The following TNPO3 variants were observed in gnomAD, a reference collection of about 807,000 sequenced individuals.
The protein encoded by TNPO3 is transportin-3.
Under a neutral mutation model 122.8 loss-of-function variants are expected in TNPO3, and 65 were observed. The ratio of observed to expected loss-of-function variants is 0.53; its 90% CI spans 0.43 to 0.65. TNPO3 has a LOEUF of 0.65. Ranked by LOEUF, TNPO3 falls within the 30% of genes least tolerant of loss-of-function variation. The probability of loss-of-function intolerance (pLI) is 0.00; values close to 1 mark genes in which losing one functional copy is unlikely to be tolerated. For missense variants in TNPO3, 850 were observed against 1,136.7 expected (o/e 0.75, Z 3.63); for synonymous variants, 372 against 411.2 (o/e 0.90, Z 1.15).
chr7:128,959,784 G>A (rs1797258677), intron 21 of TNPO3, among the ~76,000 whole-genome samples: 1 of 152,158 alleles, frequency 6.6e-6, no homozygotes, highest in African/African-American at 2.4e-5. Flanking sequence ...CACTTTGGGA[G>A]GCCAAGGCGG....
At position 129,027,059 on chromosome 7, in the gene TNPO3, C is replaced by T. The variant is rs1016347157; in HGVS notation, c.121-8902G>A. 4.6e-5 allele frequency among the ~76,000 whole-genome samples: 7 copies of T among 152,206 alleles called. No individual in the cohort carries two copies. In the East Asian group the frequency reaches 7.7e-4, roughly 17 times the overall value. On this transcript the variant is annotated intron_variant, in intron 1 of 22. Coordinates refer to ENST00000265388, the MANE Select transcript of TNPO3 (RefSeq NM_012470.4). ...TCCCAAAGTGCTAGGATTACAGGCA[C>T]GAACAATCACACCTGGCCTGTAAGA...
intron 14 of TNPO3, 115 bp from the exon 15 acceptor site, chr7:128,980,146 A>C (rs948839756): frequency 2.3e-6 from 2 of 887,134 alleles, no homozygotes; most frequent in Non-Finnish European, 3.7e-6. Context: ...AGAAAACCAG[A>C]TGATAAAGTC....
At chr7:129,056,017 C>T (rs1266936176), upstream of TNPO3, 3 of 1,054,098 alleles carry the variant, frequency 2.8e-6, no homozygotes, top group Non-Finnish European at 4.4e-6. Flanking sequence ...AGCTCCAGCG[C>T]CATGGCGCCC....
chr7:129,000,938 A>T, intron 6 of TNPO3, 121 bp downstream of exon 6: 1 of 1,172,948 alleles, frequency 8.5e-7, no homozygotes, highest in Non-Finnish European at 1.2e-6. Context: ...TTTAGGAAGC[A>T]CTATCTGTAC....
At chr7:129,005,830 G>A (rs927767473) in intron 4 of TNPO3, among the ~76,000 whole-genome samples, 1 of 141,490 alleles carries the variant, frequency 7.1e-6, no homozygotes, top group Non-Finnish European at 1.5e-5. Flanking sequence ...TGCCCAGGCT[G>A]GAGTGCAGTG....
In TNPO3 at chr7:129,001,185, A is replaced by G; in HGVS notation, c.746T>C (p.Val249Ala). 6.2e-7 allele frequency: 1 copy of G among 1,614,136 alleles called. No homozygotes were observed. Among genetic ancestry groups the G allele is most frequent in the Non-Finnish European group, 8.5e-7 (1 of 1,179,988 alleles). Residue 249 changes from valine to alanine, a missense_variant, in exon 6 of 23, where the codon GTA becomes GCA. By Grantham distance (64) the Val-to-Ala change is moderately conservative. Coordinates refer to ENST00000265388, the MANE Select transcript of TNPO3 (RefSeq NM_012470.4). ...SNLHEAASDC[V>A]CSALYAIENV... The stretch of plus-strand genomic sequence containing the variant: ...CTCAATGGCATAGAGAGCTGAGCAT[A>G]CACAGTCCGAAGCAGCTTCATGTAG...
intron 1 of TNPO3, among the ~76,000 whole-genome samples, chr7:129,024,642 G>C (rs942918605): frequency 6.6e-5 from 10 of 152,130 alleles, no homozygotes; most frequent in Non-Finnish European, 7.4e-5. Context: ...AAACAAGGGA[G>C]AGTAGAACTG....
In TNPO3 at chr7:128,960,572, TA is replaced by T. The variant is rs35592478; in HGVS notation, c.2712-3258del. 1.7e-3 allele frequency among the ~76,000 whole-genome samples: 238 copies of T among 141,410 alleles called. 1 individual carries two copies. Among genetic ancestry groups the T allele is most frequent in the African/African-American group, 4.7e-3 (177 of 37,682 alleles). 92.8% of individuals were successfully genotyped at this position (141,410 alleles called of 152,430 possible). A position where few individuals can be genotyped will look rare whatever the true frequency, so the allele number is the denominator to read the frequency against. ...GCTTTTAACAAAAAAGTTTAAAAGC[TA>T]AAAAAAAAAAATAAAGTAATTTTAA... On this transcript the variant is annotated intron_variant, in intron 21 of 22. Transcript: ENST00000265388.
In TNPO3 at chr7:129,054,773, T is replaced by C. The variant is rs1235547816; in HGVS notation, c.-3A>G. On this transcript the variant is annotated 5_prime_UTR_variant, in exon 1 of 23. Coordinates refer to ENST00000265388, the MANE Select transcript of TNPO3 (RefSeq NM_012470.4). ...AATGTCGGCTTTGCTCCTTCCATGG[T>C]GGTGGCGGTAGTGGCGGTAGCGACG... 3.1e-6 allele frequency: 5 copies of C among 1,613,912 alleles called. No individual in the cohort carries two copies. The highest frequency in any genetic ancestry group is 4.2e-6 in the Non-Finnish European group (5 of 1,179,990).
chr7:129,010,941 T>C (rs1252894059), intron 4 of TNPO3, among the ~76,000 whole-genome samples: 4 of 151,644 alleles, frequency 2.6e-5, no homozygotes, highest in African/African-American at 7.3e-5. Context: ...AAAAAAAAAA[T>C]TGTATAGAAT....
chr7:129,047,595 TCA>T (rs1808206833), intron 1 of TNPO3, among the ~76,000 whole-genome samples: 1 of 152,148 alleles, frequency 6.6e-6, no homozygotes, highest in Admixed American at 6.6e-5. Context: ...AGATGCTAAC[TCA>T]CAGTACAGGC....
At chr7:128,977,625 T>A (rs1345606715) in intron 16 of TNPO3, among the ~76,000 whole-genome samples, 26 of 148,832 alleles carry the variant, frequency 1.7e-4, no homozygotes, top group African/African-American at 6.2e-4. Flanking sequence ...GAGATGGAGT[T>A]TCACTCTGTC....
chr7:128,958,474 G>A (rs1797128562), intron 21 of TNPO3, among the ~76,000 whole-genome samples: 1 of 152,068 alleles, frequency 6.6e-6, no homozygotes, highest in African/African-American at 2.4e-5. Context: ...TTGCCTTCCT[G>A]TAGCCCTCTC....
intron 5 of TNPO3, among the ~76,000 whole-genome samples, chr7:129,003,296 GGTTTT>G (rs1392943111): frequency 7.4e-5 from 8 of 107,726 alleles, no homozygotes; most frequent in Non-Finnish European, 9.2e-5. Flanking sequence ...TAATTTTTAG[GGTTTT>G]TTTTTTTTTT....
At chr7:128,988,323 G>T (rs759834323) in intron 11 of TNPO3, among the ~76,000 whole-genome samples, 19 of 152,064 alleles carry the variant, frequency 1.2e-4, no homozygotes, top group Non-Finnish European at 1.9e-4. Context: ...TCCATTTCTA[G>T]TCTAATGATC....
At chr7:129,041,503 A>C in intron 1 of TNPO3, 4 of 966,616 alleles carry the variant, frequency 4.1e-6, no homozygotes, top group Non-Finnish European at 4.9e-6. Flanking sequence ...AAGGGAAGGA[A>C]GAGAATCAAG....
rs7788977 is a variant in TNPO3 at position 128,984,373 on chromosome 7, A to T, written c.1691-114T>A. 0.035 allele frequency: 20,397 copies of T among 588,838 alleles called. 941 individuals are homozygous for T. The highest frequency in any genetic ancestry group is 0.17 in the African/African-American group (9,079 of 53,258). 36.5% of individuals were successfully genotyped at this position (588,838 alleles called of 1,614,324 possible). A position where few individuals can be genotyped will look rare whatever the true frequency, so the allele number is the denominator to read the frequency against. ...CGAACTGGTTTGGTTCCATTCTTTT[A>T]AAAAGATCAGCATTGTTTTTTAAAA... is the stretch of plus-strand genomic sequence containing the variant. On this transcript the variant is annotated intron_variant, in intron 12 of 22. Coordinates refer to ENST00000265388, the MANE Select transcript of TNPO3 (RefSeq NM_012470.4).
chr7:128,972,543 T>C lies in TNPO3; in HGVS notation c.2313A>G (p.Gln771=). 2 of 1,614,130 alleles carry C rather than the reference T, an allele frequency of 1.2e-6. No individual in the cohort carries two copies. Among genetic ancestry groups the C allele is most frequent in the Admixed American group, 1.7e-5 (1 of 60,022 alleles). Residue 771 remains glutamine, a synonymous_variant, in exon 19 of 23, where the codon CAA becomes CAG. Coordinates refer to ENST00000265388, the MANE Select transcript of TNPO3 (RefSeq NM_012470.4). The part of the protein sequence containing the change: ...QRSPVTLLRS[Q]VVIPILQWAI... ...CCCACTGTAAGATAGGGATGACCAC[T>C]TGGCTCCGCAGCAAGGTGACAGGGC...
chr7:129,041,129 C>T (rs1282527653), intron 1 of TNPO3, among the ~76,000 whole-genome samples: 1 of 152,000 alleles, frequency 6.6e-6, no homozygotes, highest in African/African-American at 2.4e-5. Context: ...CTTTCAGAGG[C>T]CTAGGCAGGA....
Sources: allele counts gnomAD v4.1 joint callset (sites outside exome capture counted in the v4.1 genomes callset), GRCh38; gene constraint gnomAD v4.1.1; transcripts MANE v1.5; gene names NCBI Gene and HGNC (gene_info 2026-07-23, HGNC 2026-07-21).